Variants in CNKSR3 observed in about 807,000 individuals in gnomAD.
CNKSR3 encodes connector enhancer of kinase suppressor of ras 3.
A neutral mutation model predicts 67.7 loss-of-function variants in CNKSR3; 36 were observed. The observed-to-expected ratio is 0.53, with a 90% confidence interval of 0.41 to 0.70. The LOEUF (loss-of-function observed/expected upper bound fraction) is 0.70, where lower values mean the gene tolerates loss of function less well. CNKSR3 is among the 30% of genes least tolerant of loss of function. The pLI, the probability that CNKSR3 is intolerant of heterozygous loss-of-function variation, is 0.00. For synonymous variants in CNKSR3, 281 were observed against 271.4 expected (o/e 1.04, Z -0.35); for missense variants, 630 against 695.2 (o/e 0.91, Z 1.05).
At chr6:154,470,176 CTACT>C (rs1786292701) in intron 1 of CNKSR3, among the ~76,000 whole-genome samples, 5 of 135,500 alleles carry the variant, frequency 3.7e-5, no homozygotes, top group African/African-American at 8.5e-5. Context: ...AATAAAGAAC[CTACT>C]TTCTTTCCTT....
At chr6:154,484,002 A>G (rs1237943465) in intron 1 of CNKSR3, among the ~76,000 whole-genome samples, 1 of 152,148 alleles carries the variant, frequency 6.6e-6, no homozygotes, top group Non-Finnish European at 1.5e-5. Context: ...GTTTTATGGG[A>G]TCTGGGGAAA....
At chr6:154,437,861 A>T (rs1395267702) in intron 4 of CNKSR3, among the ~76,000 whole-genome samples, 1 of 152,244 alleles carries the variant, frequency 6.6e-6, no homozygotes, top group African/African-American at 2.4e-5. Context: ...TTAAAACAAA[A>T]AAATACCAGA....
intron 9 of CNKSR3, among the ~76,000 whole-genome samples, chr6:154,420,730 T>C (rs897511751): frequency 3.4e-5 from 5 of 146,836 alleles, no homozygotes; most frequent in Non-Finnish European, 7.5e-5. Context: ...CATTGCATGC[T>C]AGAAAATTGC....
intron 1 of CNKSR3, among the ~76,000 whole-genome samples, chr6:154,505,877 A>G (rs1349883038): frequency 6.6e-6 from 1 of 152,166 alleles, no homozygotes; most frequent in Non-Finnish European, 1.5e-5. Flanking sequence ...TGGGACAACC[A>G]GTCCCACGTC....
chr6:154,453,155 A>G (rs1464112539), intron 1 of CNKSR3, among the ~76,000 whole-genome samples: 1 of 152,254 alleles, frequency 6.6e-6, no homozygotes, highest in East Asian at 1.9e-4. Flanking sequence ...AAATCAGTTC[A>G]TTAAAACTAA....
At chr6:154,485,446 A>G (rs1786647835) in intron 1 of CNKSR3, among the ~76,000 whole-genome samples, 1 of 152,228 alleles carries the variant, frequency 6.6e-6, no homozygotes, top group African/African-American at 2.4e-5. Context: ...AATAAAATAT[A>G]GAAACAGTTT....
intron 1 of CNKSR3, among the ~76,000 whole-genome samples, chr6:154,509,515 A>G (rs552336997): frequency 6.6e-6 from 1 of 152,188 alleles, no homozygotes; most frequent in Admixed American, 6.5e-5. Flanking sequence ...CGCAAATGCT[A>G]TGGTGTTGGC....
intron 1 of CNKSR3, among the ~76,000 whole-genome samples, chr6:154,500,860 C>T (rs981782820): frequency 2.6e-5 from 4 of 152,092 alleles, no homozygotes; most frequent in Admixed American, 6.6e-5. Flanking sequence ...CCTTCTGATC[C>T]CAGGTTTAAA....
At chr6:154,469,359 G>A (rs1334427706) in intron 1 of CNKSR3, among the ~76,000 whole-genome samples, 1 of 152,102 alleles carries the variant, frequency 6.6e-6, no homozygotes, top group African/African-American at 2.4e-5. Context: ...CATCGCATAT[G>A]AATAATAAAT....
Position 154,392,503 on chromosome 6 carries a change from C to T in CNKSR3, c.*13851G>A, listed in dbSNP as rs1784618390. 2 of 152,252 alleles carry T rather than the reference C, an allele frequency of 1.3e-5. No individual in the cohort carries two copies. The allele number at this position is 152,252 out of a possible 1,614,324, so 9.4% of individuals were successfully genotyped here. A position where few individuals can be genotyped will look rare whatever the true frequency, so the allele number is the denominator to read the frequency against. The stretch of plus-strand genomic sequence containing the variant: ...CAGTAGAAGGAGTGCAGGTCCCCTG[C>T]TGTCAATTTCATCTGGGGCACTAAA... On this transcript the variant is annotated 3_prime_UTR_variant, in exon 13 of 13. Coordinates refer to ENST00000607772, the MANE Select transcript of CNKSR3 (RefSeq NM_173515.4).
Position 154,401,437 on chromosome 6 carries a change from C to T in CNKSR3, c.*4917G>A, listed in dbSNP as rs977393173. 1.3e-5 allele frequency: 2 copies of T among 153,162 alleles called. No individual in the cohort carries two copies. The highest frequency in any genetic ancestry group is 2.9e-5 in the Non-Finnish European group (2 of 68,842). 9.5% of individuals were successfully genotyped at this position (153,162 alleles called of 1,614,324 possible). ...GTAAGGGTGCTCACCAGGAACTCAC[C>T]TTGATCTTGGACTTCCCAGCCTCCA... On this transcript the variant is annotated 3_prime_UTR_variant, in exon 13 of 13. Coordinates refer to ENST00000607772, the MANE Select transcript of CNKSR3 (RefSeq NM_173515.4).
chr6:154,454,046 C>G (rs1385060431), intron 1 of CNKSR3, among the ~76,000 whole-genome samples: 1 of 137,324 alleles, frequency 7.3e-6, no homozygotes, highest in African/African-American at 2.7e-5. Context: ...TGCATATAAT[C>G]CTAAACCTTC....
chr6:154,485,163 A>G (rs1476462482), intron 1 of CNKSR3, among the ~76,000 whole-genome samples: 3 of 152,224 alleles, frequency 2.0e-5, no homozygotes, highest in Non-Finnish European at 2.9e-5. Flanking sequence ...ATCATTAATT[A>G]TGAATCACAT....
At chr6:154,473,915 G>C (rs1340682795) in intron 1 of CNKSR3, among the ~76,000 whole-genome samples, 1 of 151,830 alleles carries the variant, frequency 6.6e-6, no homozygotes, top group Non-Finnish European at 1.5e-5. Flanking sequence ...CTCCCAAGTA[G>C]CTGGGATTAC....
chr6:154,436,091 G>T (rs996642695), intron 4 of CNKSR3, among the ~76,000 whole-genome samples: 2 of 152,272 alleles, frequency 1.3e-5, no homozygotes, highest in African/African-American at 4.8e-5. Context: ...CGGTGTGATG[G>T]CATGTGTCAA....
At chr6:154,444,401 A>G (rs1785663950) in intron 2 of CNKSR3, among the ~76,000 whole-genome samples, 1 of 152,218 alleles carries the variant, frequency 6.6e-6, no homozygotes, top group South Asian at 2.1e-4. Flanking sequence ...GGCAATCTGC[A>G]TCTAGGGCAC....
intron 6 of CNKSR3, among the ~76,000 whole-genome samples, chr6:154,428,567 G>C (rs1428791430): frequency 1.5e-4 from 23 of 152,140 alleles, no homozygotes; most frequent in Admixed American, 1.5e-3. Context: ...GCCTACACTG[G>C]AGTGTAGCGA....
Position 154,504,856 on chromosome 6 carries a change from T to C in CNKSR3, c.52+5207A>G, listed in dbSNP as rs1011503292. 4.6e-5 allele frequency among the ~76,000 whole-genome samples: 7 copies of C among 151,558 alleles called. No individual in the cohort carries two copies. The East Asian group carries it at 1.2e-3, about 26-fold the overall frequency. On this transcript the variant is annotated intron_variant, in intron 1 of 12. Transcript: ENST00000607772. ...ACCCCATCTCTGTATTAAAAAATAA[T>C]AAGTAAAGAAGTTTTATAATGAGAG...
At chr6:154,426,430 C>T (rs535197883) in intron 7 of CNKSR3, among the ~76,000 whole-genome samples, 2 of 152,108 alleles carry the variant, frequency 1.3e-5, no homozygotes, top group East Asian at 1.9e-4. Flanking sequence ...GGCTCGATCT[C>T]GGCTCACTGC....
Sources: allele counts gnomAD v4.1 joint callset (sites outside exome capture counted in the v4.1 genomes callset), GRCh38; gene constraint gnomAD v4.1.1; transcripts MANE v1.5; gene names NCBI Gene and HGNC (gene_info 2026-07-23, HGNC 2026-07-21).